Variants in CYP19A1 observed in about 807,000 individuals in gnomAD.
CYP19A1 encodes aromatase.
Under a neutral mutation model 44.4 loss-of-function variants are expected in CYP19A1, and 32 were observed. That is an observed-to-expected ratio of 0.72 (90% CI 0.54 to 0.97). The LOEUF is 0.97. Ranked by LOEUF, CYP19A1 falls within the 50% of genes least tolerant of loss-of-function variation. The pLI, the probability that CYP19A1 is intolerant of heterozygous loss-of-function variation, is 0.00. For missense variants in CYP19A1, 598 were observed against 637.8 expected, an observed-to-expected ratio of 0.94 and a Z score of 0.67; for synonymous variants, 212 against 215.6, an observed-to-expected ratio of 0.98 and a Z score of 0.14.
At chr15:51,214,062 C>T (rs570577143) in intron 8 of CYP19A1, among the ~76,000 whole-genome samples, 5 of 152,292 alleles carry the variant, frequency 3.3e-5, no homozygotes, top group African/African-American at 7.2e-5. Flanking sequence ...TTTTCCCTTA[C>T]GTTTAACTAT....
intron 5 of CYP19A1, among the ~76,000 whole-genome samples, chr15:51,219,852 A>C (rs1311038205): frequency 6.6e-6 from 1 of 152,220 alleles, no homozygotes. Context: ...TTCACTTTAG[A>C]AGTGATGTCT....
intron 1 of CYP19A1, among the ~76,000 whole-genome samples, chr15:51,288,466 C>T (rs1319860698): frequency 6.6e-6 from 1 of 152,146 alleles, no homozygotes; most frequent in Non-Finnish European, 1.5e-5. Context: ...AGTCTTGCAC[C>T]TCAGGTTTCA....
chr15:51,249,546 T>C (rs1378527365), intron 1 of CYP19A1, among the ~76,000 whole-genome samples: 4 of 152,220 alleles, frequency 2.6e-5, no homozygotes, highest in Non-Finnish European at 4.4e-5. Flanking sequence ...AAACATTTAT[T>C]AGGAAGCTTG....
intron 1 of CYP19A1, among the ~76,000 whole-genome samples, chr15:51,268,670 C>G (rs887965804): frequency 6.6e-6 from 1 of 152,088 alleles, no homozygotes; most frequent in Non-Finnish European, 1.5e-5. Flanking sequence ...TAAGAAACTG[C>G]CAAATTATCT....
chr15:51,292,887 C>T (rs931593519), intron 1 of CYP19A1, among the ~76,000 whole-genome samples: 1 of 151,866 alleles, frequency 6.6e-6, no homozygotes, highest in African/African-American at 2.4e-5. Context: ...GTCTGGTCCC[C>T]AAACACCAGG....
chr15:51,237,323 C>T (rs913987828), intron 2 of CYP19A1, among the ~76,000 whole-genome samples: 1 of 152,156 alleles, frequency 6.6e-6, no homozygotes, highest in African/African-American at 2.4e-5. Flanking sequence ...TAACTGGTAT[C>T]AGTGAGTTTC....
chr15:51,275,411 G>A (rs2035272832), intron 1 of CYP19A1, among the ~76,000 whole-genome samples: 1 of 152,222 alleles, frequency 6.6e-6, no homozygotes, highest in Admixed American at 6.5e-5. Context: ...ACTAAGACCA[G>A]AGGGATTATT....
intron 1 of CYP19A1, among the ~76,000 whole-genome samples, chr15:51,246,463 C>A (rs946227387): frequency 2.6e-5 from 4 of 152,306 alleles, no homozygotes; most frequent in South Asian, 2.1e-4. Flanking sequence ...ATGCACTAGG[C>A]CTGTGTGCCT....
chr15:51,270,038 A>G (rs181121835), intron 1 of CYP19A1, among the ~76,000 whole-genome samples: 11 of 152,344 alleles, frequency 7.2e-5, no homozygotes, highest in Admixed American at 6.5e-4. Flanking sequence ...TACTGGCTCT[A>G]TAGATCAATA....
intron 1 of CYP19A1, among the ~76,000 whole-genome samples, chr15:51,276,217 G>C (rs1356237209): frequency 6.6e-6 from 1 of 152,192 alleles, no homozygotes; most frequent in Non-Finnish European, 1.5e-5. Flanking sequence ...TCTAATCAGA[G>C]TATTTCATAG....
intron 3 of CYP19A1, among the ~76,000 whole-genome samples, chr15:51,233,073 C>T (rs1030581259): frequency 6.6e-6 from 1 of 152,246 alleles, no homozygotes; most frequent in Non-Finnish European, 1.5e-5. Context: ...CAGGTCTCTG[C>T]ATGGGCTACT....
At chr15:51,329,726 C>G (rs2036670751) in intron 1 of CYP19A1, among the ~76,000 whole-genome samples, 1 of 152,234 alleles carries the variant, frequency 6.6e-6, no homozygotes, top group South Asian at 2.1e-4. Context: ...GGGCACTGCC[C>G]TCTATCACAC....
chr15:51,264,197 G>A (rs1268852035), intron 1 of CYP19A1, among the ~76,000 whole-genome samples: 1 of 152,198 alleles, frequency 6.6e-6, no homozygotes, highest in Non-Finnish European at 1.5e-5. Context: ...GCAAGAGAAT[G>A]AGATTTCAGA....
At chr15:51,235,388 A>G (rs2033325117) in intron 3 of CYP19A1, among the ~76,000 whole-genome samples, 1 of 152,204 alleles carries the variant, frequency 6.6e-6, no homozygotes, top group South Asian at 2.1e-4. Context: ...ATTGCTAACA[A>G]GTTCCCAGGC....
intron 1 of CYP19A1, 92 bp from the exon 2 acceptor site, chr15:51,243,042 A>C (rs1001058331): frequency 6.5e-6 from 5 of 764,880 alleles, no homozygotes; most frequent in Non-Finnish European, 1.2e-5. Flanking sequence ...TACAGTACAG[A>C]TTCACTTACT....
At chr15:51,265,454 T>C (rs994138091) in intron 1 of CYP19A1, among the ~76,000 whole-genome samples, 2 of 152,094 alleles carry the variant, frequency 1.3e-5, no homozygotes, top group Non-Finnish European at 2.9e-5. Context: ...TGGGGACAGA[T>C]AGAAAGTCTC....
At chr15:51,217,694 A>G (rs1219342278) in intron 6 of CYP19A1, among the ~76,000 whole-genome samples, 3 of 152,208 alleles carry the variant, frequency 2.0e-5, no homozygotes, top group African/African-American at 7.2e-5. Flanking sequence ...GGGAGAAACT[A>G]ACATATTTAG....
chr15:51,222,474 AG>A lies in CYP19A1; in HGVS notation c.502del (p.Leu168SerfsTer11), dbSNP rs752116741. 1.2e-6 allele frequency: 2 copies of A among 1,613,960 alleles called. No individual in the cohort carries two copies. The highest frequency in any genetic ancestry group is 2.7e-5 in the African/African-American group (2 of 74,930). On this transcript the variant is annotated frameshift_variant, in exon 5 of 10. Coordinates refer to ENST00000396402, the MANE Select transcript of CYP19A1 (RefSeq NM_000103.4). LOFTEE classifies it high-confidence loss of function. ...VRMVTVCAES[L>X]KTHLDRLEEV... is the part of the protein sequence containing the mutation. ...CTCCAACCTGTCCAGATGTGTTTTGAGGGATTCAGCACAGACTGTGACCATA... is the reference window on the plus strand; with the variant it reads ...CTCCAACCTGTCCAGATGTGTTTTGAGGATTCAGCACAGACTGTGACCATA...
intron 1 of CYP19A1, among the ~76,000 whole-genome samples, chr15:51,261,520 T>C (rs1218637717): frequency 1.3e-5 from 2 of 152,242 alleles, no homozygotes; most frequent in Non-Finnish European, 2.9e-5. Context: ...TAATACTAAC[T>C]GCAAGTCAAG....
Sources: gnomAD v4.1 joint callset for allele counts (sites outside exome capture counted in the v4.1 genomes callset) on GRCh38, gnomAD v4.1.1 for gene constraint, MANE v1.5 for transcripts, NCBI Gene and HGNC (gene_info 2026-07-23, HGNC 2026-07-21) for gene names.